The following CST9L variants were observed in gnomAD, a reference collection of about 807,000 sequenced individuals.
CST9L encodes cystatin 9 like.
CST9L carries 17 observed loss-of-function variants against 13.2 expected under a neutral mutation model. The observed-to-expected ratio is 1.29, with a 90% confidence interval of 0.88 to 1.93. The LOEUF is 1.93. Among genes scored for constraint, CST9L ranks in the 30% most tolerant of loss-of-function variants. The probability of loss-of-function intolerance (pLI) is 0.00; values close to 1 mark genes in which losing one functional copy is unlikely to be tolerated. For missense variants in CST9L, 170 were observed against 170.5 expected, an observed-to-expected ratio of 1.00 and a Z score of 0.02; for synonymous variants, 78 against 69.1, an observed-to-expected ratio of 1.13 and a Z score of -0.64.
At chr20:23,568,189 A>C in intron 1 of CST9L, 22 bp downstream of exon 1, 1 of 1,613,960 alleles carries the variant, frequency 6.2e-7, no homozygotes, top group Non-Finnish European at 8.5e-7. Context: ...ATGCCAGGGC[A>C]GGAGGGTACG....
In CST9L at chr20:23,568,407, A is replaced by C. The variant is rs1304182632; in HGVS notation, c.44T>G (p.Leu15Arg). Residue 15 changes from leucine to arginine, a missense_variant, in exon 1 of 3, where the codon CTG (leucine) becomes CGG (arginine). Physicochemically the swap from Leu to Arg is moderately radical, Grantham distance 102. Transcript: ENST00000376979. ...GATCTGGGAGCCTAAGAGAAGCAGC[A>C]GCAGCGCCCAGGACAGACCTCCCTT... ...PWKGGLSWAL[L>R]LLLLGSQILL... 6.2e-7 allele frequency: 1 copy of C among 1,614,078 alleles called. No homozygotes were observed. The highest frequency in any genetic ancestry group is 8.5e-7 in the Non-Finnish European group (1 of 1,180,034).
intron 2 of CST9L, 88 bp from the exon 3 acceptor site, chr20:23,565,125 C>G (rs1989073360): frequency 2.1e-6 from 2 of 931,572 alleles, no homozygotes; most frequent in South Asian, 2.6e-5. Context: ...TTCCTCTCCA[C>G]ATTGCCCTTT....
chr20:23,566,628 G>A (rs1293100305), intron 1 of CST9L, among the ~76,000 whole-genome samples: 1 of 152,188 alleles, frequency 6.6e-6, no homozygotes, highest in Non-Finnish European at 1.5e-5. Flanking sequence ...GCTCACACCT[G>A]TAATCCCAGC....
At chr20:23,567,217 G>A (rs1230190108) in intron 1 of CST9L, among the ~76,000 whole-genome samples, 1 of 152,088 alleles carries the variant, frequency 6.6e-6, no homozygotes, top group African/African-American at 2.4e-5. Context: ...CCAACTAGAA[G>A]TCCTCAACTT....
intron 2 of CST9L, 91 bp downstream of exon 2, chr20:23,565,883 A>G: frequency 2.5e-6 from 2 of 802,842 alleles, no homozygotes; most frequent in Non-Finnish European, 4.5e-6. Flanking sequence ...TCACTCCTCT[A>G]AGTCTCTTTG....
At chr20:23,567,663 G>A (rs2405388) in intron 1 of CST9L, among the ~76,000 whole-genome samples, 54,080 of 151,660 alleles carry the variant, frequency 0.36, 10,264 homozygotes, top group East Asian at 0.56. Context: ...GGAAGAGTGT[G>A]AAACAGTCTT....
At position 23,568,323 on chromosome 20, in the gene CST9L, A is replaced by G; in HGVS notation, c.128T>C (p.Met43Thr). ...EQRDCDEHNV[M>T]ARYLPATVEF... ...CACTGTGGCAGGGAGGTAACGAGCC[A>G]TGACATTGTGTTCATCACAGTCCCT... The change falls in exon 1 of 3, where the codon ATG (methionine) becomes ACG (threonine). Residue 43 changes from methionine (M) to threonine (T), a missense_variant. By Grantham distance (81) the Met-to-Thr change is moderately conservative. Transcript: ENST00000376979. The G allele has an allele frequency of 1.2e-5, 20 of 1,614,194 alleles. No individual in the cohort carries two copies. The highest frequency in any genetic ancestry group is 1.6e-4 in the Middle Eastern group (1 of 6,062).
At position 23,564,740 on chromosome 20, in the gene CST9L, A is replaced by G; in HGVS notation, c.*208T>C. On this transcript the variant is annotated 3_prime_UTR_variant, in exon 3 of 3. Coordinates refer to ENST00000376979, the MANE Select transcript of CST9L (RefSeq NM_080610.3). ...AACTACAGCACACAAAGTTTCTTAA[A>G]ATGCTGATGTTTAATGATCTACACT... is the stretch of plus-strand genomic sequence containing the variant. 1.8e-6 allele frequency: 1 copy of G among 542,122 alleles called. No individual in the cohort carries two copies. Among genetic ancestry groups the G allele is most frequent in the Non-Finnish European group, 3.3e-6 (1 of 302,648 alleles). The allele number at this position is 542,122 out of a possible 1,614,324, so 33.6% of individuals were successfully genotyped here.
At chr20:23,566,230 CT>C (rs1989094397) in intron 1 of CST9L, 143 bp from the exon 2 acceptor site, 1 of 668,996 alleles carries the variant, frequency 1.5e-6, no homozygotes, top group African/African-American at 1.8e-5. Flanking sequence ...ATCAGGAGAT[CT>C]TCTTTAGATT....
At chr20:23,567,452 G>A (rs1226585021) in intron 1 of CST9L, among the ~76,000 whole-genome samples, 1 of 148,440 alleles carries the variant, frequency 6.7e-6, no homozygotes, top group African/African-American at 2.5e-5. Flanking sequence ...ATCTTGCAGT[G>A]AGCGGAGATG....
intron 2 of CST9L, 150 bp downstream of exon 2, chr20:23,565,824 C>A: frequency 1.5e-6 from 1 of 669,024 alleles, no homozygotes; most frequent in Non-Finnish European, 2.8e-6. Context: ...CCCCTCTGCG[C>A]TCCCCACTAA....
In CST9L at chr20:23,565,989, G is replaced by T. The variant is rs112407759; in HGVS notation, c.339C>A (p.Ser113Arg). The change falls in exon 2 of 3, where the codon AGC (serine) becomes AGA (arginine). Residue 113 changes from serine to arginine, a missense_variant. Coordinates refer to ENST00000376979, the MANE Select transcript of CST9L (RefSeq NM_080610.3). ...DDIDNCHFQE[S>R]TELNNTFTCF... ...CCTGTCTTACATTGTTCAGCTCTGT[G>T]CTTTCTTGGAAATGGCAGTTGTCAA... 348 of 1,585,414 alleles carry T rather than the reference G, an allele frequency of 2.2e-4. 1 individual carries two copies. In the African/African-American group the frequency reaches 3.5e-3, roughly 16 times the overall value.
chr20:23,567,074 AG>A (rs1989107881), intron 1 of CST9L, among the ~76,000 whole-genome samples: 1 of 152,186 alleles, frequency 6.6e-6, no homozygotes. Flanking sequence ...CCCAGAGAGC[AG>A]GGGTCAGAGA....
At chr20:23,566,659 G>A (rs951644199) in intron 1 of CST9L, among the ~76,000 whole-genome samples, 1 of 152,196 alleles carries the variant, frequency 6.6e-6, no homozygotes. Flanking sequence ...GCTGGGGTGG[G>A]TGAATAATGA....
chr20:23,568,298 C>T lies in CST9L; in HGVS notation c.153G>A (p.Val51=). 6.2e-7 allele frequency: 1 copy of T among 1,614,160 alleles called. No homozygotes were observed. The highest frequency in any genetic ancestry group is 8.5e-7 in the Non-Finnish European group (1 of 1,180,032). The change falls in exon 1 of 3, where the codon GTG becomes GTA. Residue 51 remains valine, a synonymous_variant. Coordinates refer to ENST00000376979, the MANE Select transcript of CST9L (RefSeq NM_080610.3). ...NVMARYLPAT[V]EFAVHTFNQQ... ...GGTTGAATGTGTGGACAGCAAACTC[C>T]ACTGTGGCAGGGAGGTAACGAGCCA...
Position 23,564,945 on chromosome 20 carries a change from C to G in CST9L, c.*3G>C. ...CATGGACAAGCCTGTGAGTGGGTTT[C>G]ACTCAGTGGAATCCCTCCAAGCAGG... On this transcript the variant is annotated 3_prime_UTR_variant, in exon 3 of 3. Transcript: ENST00000376979. 1 of 1,606,474 alleles carries G rather than the reference C, an allele frequency of 6.2e-7. No homozygotes were observed. The highest frequency in any genetic ancestry group is 8.5e-7 in the Non-Finnish European group (1 of 1,173,016).
At chr20:23,566,309 A>G (rs368857757) in intron 1 of CST9L, among the ~76,000 whole-genome samples, 1 of 152,032 alleles carries the variant, frequency 6.6e-6, no homozygotes, top group South Asian at 2.1e-4. Flanking sequence ...ATGTATCCCT[A>G]TTTCCAGATG....
rs926061051 is a variant in CST9L, at chr20:23,568,283, G to A, written c.168C>T (p.His56=). 4 of 1,614,140 alleles carry A rather than the reference G, an allele frequency of 2.5e-6. No homozygotes were observed. Among genetic ancestry groups the A allele is most frequent in the Admixed American group, 3.3e-5 (2 of 60,024 alleles). ...YLPATVEFAV[H]TFNQQSKDYY... is the part of the protein sequence containing the mutation. ...AGTCCTTGCTCTGTTGGTTGAATGTGTGGACAGCAAACTCCACTGTGGCAG... is the reference window on the plus strand; with the variant it reads ...AGTCCTTGCTCTGTTGGTTGAATGTATGGACAGCAAACTCCACTGTGGCAG... The change falls in exon 1 of 3, where the codon CAC becomes CAT. Residue 56 remains histidine (H), a synonymous_variant. Transcript: ENST00000376979.
chr20:23,567,806 T>A (rs1321706885), intron 1 of CST9L, among the ~76,000 whole-genome samples: 1 of 152,168 alleles, frequency 6.6e-6, no homozygotes, highest in African/African-American at 2.4e-5. Flanking sequence ...GTTCTCTTTT[T>A]TAATTTTCAT....
Sources: gnomAD v4.1 joint callset for allele counts (sites outside exome capture counted in the v4.1 genomes callset) on GRCh38, gnomAD v4.1.1 for gene constraint, MANE v1.5 for transcripts, NCBI Gene and HGNC (gene_info 2026-07-23, HGNC 2026-07-21) for gene names.